Variants in CDH1 observed in about 807,000 individuals in gnomAD.
CDH1 encodes cadherin-1.
In CDH1, 35 loss-of-function variants were observed where a neutral mutation model predicts 84.5. The ratio of observed to expected loss-of-function variants is 0.41; its 90% CI spans 0.32 to 0.55. The LOEUF is 0.55. Among genes scored for constraint, CDH1 ranks in the 20% least tolerant of loss-of-function variants. The pLI is 0.19. For synonymous variants in CDH1, 417 were observed against 439.0 expected (o/e 0.95, Z 0.63); for missense variants, 994 against 1,126.6 (o/e 0.88, Z 1.68).
At chr16:68,831,830 C>T (rs1461105487) in intron 15 of CDH1, among the ~76,000 whole-genome samples, 2 of 152,120 alleles carry the variant, frequency 1.3e-5, no homozygotes, top group Non-Finnish European at 2.9e-5. Context: ...TGAGCCACCG[C>T]TCCTGACTAC....
intron 2 of CDH1, among the ~76,000 whole-genome samples, chr16:68,778,861 T>C (rs2152121691): frequency 6.6e-6 from 1 of 152,274 alleles, no homozygotes; most frequent in South Asian, 2.1e-4. Context: ...AGTTTTCCTA[T>C]GGAATTGATT....
intron 10 of CDH1, among the ~76,000 whole-genome samples, chr16:68,819,032 T>C (rs1450323897): frequency 1.3e-5 from 2 of 152,046 alleles, no homozygotes; most frequent in African/African-American, 2.4e-5. Context: ...ATTTTTGTAT[T>C]TTTAGTAGAG....
At chr16:68,776,953 T>G (rs1438785515) in intron 2 of CDH1, among the ~76,000 whole-genome samples, 1 of 152,162 alleles carries the variant, frequency 6.6e-6, no homozygotes, top group Non-Finnish European at 1.5e-5. Flanking sequence ...TATGTCTGAG[T>G]GGTGGAGCTG....
intron 6 of CDH1, among the ~76,000 whole-genome samples, chr16:68,810,757 T>C (rs1350899535): frequency 3.9e-5 from 6 of 151,984 alleles, no homozygotes; most frequent in Admixed American, 6.6e-5. Context: ...TCCCAGCTAC[T>C]TGGGAGGCTG....
At chr16:68,804,824 C>CTTTTTT (rs5817653) in intron 3 of CDH1, among the ~76,000 whole-genome samples, 1,961 of 69,738 alleles carry the variant, frequency 0.028, 356 homozygotes, top group African/African-American at 0.12. Context: ...GTAACAAAAT[C>CTTTTTT]TTTTTTTTTT....
At chr16:68,781,831 C>T (rs1321121026) in intron 2 of CDH1, among the ~76,000 whole-genome samples, 2 of 152,148 alleles carry the variant, frequency 1.3e-5, no homozygotes, top group Non-Finnish European at 2.9e-5. Context: ...TTGAAGACCA[C>T]AGAGCCTCCC....
intron 8 of CDH1, among the ~76,000 whole-genome samples, chr16:68,812,901 G>A (rs1413169767): frequency 2.0e-5 from 3 of 152,128 alleles, no homozygotes; most frequent in Non-Finnish European, 4.4e-5. Context: ...TTAGCTGGGC[G>A]TGGTGGTGCA....
intron 2 of CDH1, among the ~76,000 whole-genome samples, chr16:68,740,790 T>G (rs1479436362): frequency 6.6e-6 from 1 of 152,122 alleles, no homozygotes; most frequent in Admixed American, 6.6e-5. Context: ...TTTACCTCAT[T>G]TAGTCTTCAC....
rs5817653 is a variant in CDH1 at position 68,804,824 on chromosome 16, C to CTTTTTTTT, written c.387+2947_387+2954dup. On this transcript the variant is annotated intron_variant, in intron 3 of 15. Coordinates refer to ENST00000261769, the MANE Select transcript of CDH1 (RefSeq NM_004360.5). ...AAACAACATATCCAGGTAACAAAAT[C>CTTTTTTTT]TTTTTTTTTTTTTTTTTTTTTTTGG... Among the ~76,000 whole-genome samples the CTTTTTTTT allele has an allele frequency of 5.3e-3, 371 of 69,698 alleles. 44 individuals are homozygous for CTTTTTTTT. The highest frequency in any genetic ancestry group is 0.023 in the African/African-American group (352 of 15,012). The allele number at this position is 69,698 out of a possible 152,430, so 45.7% of individuals were successfully genotyped here.
rs981716240 is a variant in CDH1, at chr16:68,823,697, T to C, written c.2164+71T>C. On this transcript the variant is annotated intron_variant, in intron 13 of 15. Coordinates refer to ENST00000261769, the MANE Select transcript of CDH1 (RefSeq NM_004360.5). ...GAGGAGGTTTATTTCCTGGAAATGA[T>C]TTTTGTTCTTATATTAATAAGGATA... 8.6e-6 allele frequency: 9 copies of C among 1,040,910 alleles called. No homozygotes were observed. The African/African-American group carries it at 1.4e-4, about 17-fold the overall frequency. 64.5% of individuals were successfully genotyped at this position (1,040,910 alleles called of 1,614,324 possible).
chr16:68,738,964 T>TTTTTTTTTTTTTAAA (rs555202424), intron 2 of CDH1, among the ~76,000 whole-genome samples: 1 of 65,410 alleles, frequency 1.5e-5, no homozygotes, highest in African/African-American at 5.6e-5. Context: ...TTTTTTTTTT[T>TTTTTTTTTTTTTAAA]AAAGACAGGG....
rs768163102 is a variant in CDH1 at position 68,828,222 on chromosome 16, A to G, written c.2213A>G (p.Lys738Arg). 1.2e-6 allele frequency: 2 copies of G among 1,614,020 alleles called. No individual in the cohort carries two copies. Among genetic ancestry groups the G allele is most frequent in the Admixed American group, 1.7e-5 (1 of 60,002 alleles). The change falls in exon 14 of 16, where the codon AAA (lysine) becomes AGA (arginine). Residue 738 changes from lysine to arginine, a missense_variant. This residue lies in a region of CDH1 where 769 missense variants were observed against 881.8 expected (regional missense o/e 0.87). Coordinates refer to ENST00000261769, the MANE Select transcript of CDH1 (RefSeq NM_004360.5). Reference protein sequence around the residue: ...LLFLRRRAVVKEPLLPPEDDT... With the variant: ...LLFLRRRAVVREPLLPPEDDT... ...TTTCTTCGGAGGAGAGCGGTGGTCAAAGAGCCCTTACTGCCCCCAGAGGAT... is the reference window on the plus strand; with the variant it reads ...TTTCTTCGGAGGAGAGCGGTGGTCAGAGAGCCCTTACTGCCCCCAGAGGAT...
At chr16:68,779,147 A>T (rs1160824078) in intron 2 of CDH1, among the ~76,000 whole-genome samples, 2 of 152,196 alleles carry the variant, frequency 1.3e-5, no homozygotes, top group Admixed American at 1.3e-4. Context: ...CTGGTCAGAC[A>T]TCAACACCGC....
chr16:68,738,448 G>A (rs1362384526), intron 2 of CDH1, 37 bp downstream of exon 2: 1 of 1,442,444 alleles, frequency 6.9e-7, no homozygotes, highest in African/African-American at 1.4e-5. Flanking sequence ...GGCGGAGTAG[G>A]GAGGGGTTGG....
intron 2 of CDH1, among the ~76,000 whole-genome samples, chr16:68,782,307 G>C (rs1959907378): frequency 6.6e-6 from 1 of 152,156 alleles, no homozygotes; most frequent in Non-Finnish European, 1.5e-5. Context: ...ACCCACCTTG[G>C]GGGCACTGCC....
intron 2 of CDH1, among the ~76,000 whole-genome samples, chr16:68,745,205 G>A (rs116117650): frequency 1.3e-5 from 2 of 151,704 alleles, no homozygotes; most frequent in African/African-American, 4.8e-5. Context: ...AGGCCAGATA[G>A]ATGCTGTGGC....
intron 2 of CDH1, among the ~76,000 whole-genome samples, chr16:68,773,997 G>A (rs1959656380): frequency 6.6e-6 from 1 of 152,218 alleles, no homozygotes; most frequent in Non-Finnish European, 1.5e-5. Flanking sequence ...GCTCACTGCA[G>A]CTCAACTTCC....
intron 2 of CDH1, among the ~76,000 whole-genome samples, chr16:68,785,388 T>A (rs760547442): frequency 5.9e-5 from 9 of 152,102 alleles, no homozygotes; most frequent in Admixed American, 6.6e-5. Flanking sequence ...GACACGGTTT[T>A]ACCATGTTGG....
At chr16:68,800,497 G>T (rs1489160900) in intron 2 of CDH1, among the ~76,000 whole-genome samples, 2 of 152,206 alleles carry the variant, frequency 1.3e-5, no homozygotes, top group East Asian at 3.9e-4. Context: ...GTCAGGGATG[G>T]CTTCAAGGGC....
Sources: gnomAD v4.1 joint callset for allele counts (sites outside exome capture counted in the v4.1 genomes callset) on GRCh38, gnomAD v4.1.1 for gene constraint, gnomAD v4.1.1 regional missense constraint, MANE v1.5 for transcripts, NCBI Gene and HGNC (gene_info 2026-07-23, HGNC 2026-07-21) for gene names.